PATJ: variants seen among roughly 807,000 people sequenced by gnomAD.
PATJ encodes the protein inaD-like protein.
In PATJ, 190 loss-of-function variants were observed where a neutral mutation model predicts 224.9. The ratio of observed to expected loss-of-function variants is 0.84; its 90% CI spans 0.75 to 0.95. PATJ has a LOEUF of 0.95. Among genes scored for constraint, PATJ ranks in the 40% least tolerant of loss-of-function variants. PATJ has a pLI of 0.00. For synonymous variants in PATJ, 769 were observed against 820.3 expected (o/e 0.94, Z 1.07); for missense variants, 2,121 against 2,270.3 (o/e 0.93, Z 1.34).
chr1:61,938,078 T>G (rs2149331392), intron 27 of PATJ, among the ~76,000 whole-genome samples: 1 of 152,348 alleles, frequency 6.6e-6, no homozygotes, highest in African/African-American at 2.4e-5. Context: ...GAGAGAATAA[T>G]TCTTTGTTTT....
chr1:61,916,231 C>T (rs897270286), intron 26 of PATJ, among the ~76,000 whole-genome samples: 4 of 151,890 alleles, frequency 2.6e-5, no homozygotes, highest in African/African-American at 9.7e-5. Flanking sequence ...AAATATAAAC[C>T]TACCACCTAA....
intron 14 of PATJ, among the ~76,000 whole-genome samples, chr1:61,818,233 G>A (rs2148695415): frequency 6.6e-6 from 1 of 152,282 alleles, no homozygotes; most frequent in African/African-American, 2.4e-5. Flanking sequence ...GCACACAATG[G>A]CCATGCTTCC....
intron 27 of PATJ, among the ~76,000 whole-genome samples, chr1:61,944,836 G>A (rs1571423941): frequency 6.6e-6 from 1 of 152,280 alleles, no homozygotes; most frequent in South Asian, 2.1e-4. Context: ...GAAAGGTTGG[G>A]TTACCCACAA....
intron 4 of PATJ, among the ~76,000 whole-genome samples, chr1:61,767,312 T>A (rs1314262858): frequency 3.9e-5 from 6 of 152,078 alleles, no homozygotes; most frequent in Admixed American, 3.9e-4. Flanking sequence ...GGCAGGAGGA[T>A]TGCTTGAAGC....
chr1:61,813,877 A>G (rs1212133737), intron 14 of PATJ, among the ~76,000 whole-genome samples: 1 of 152,190 alleles, frequency 6.6e-6, no homozygotes, highest in African/African-American at 2.4e-5. Flanking sequence ...AAAGAGAAAT[A>G]GTATTTCGTA....
At chr1:61,842,998 A>C (rs1203431353) in intron 17 of PATJ, among the ~76,000 whole-genome samples, 2 of 152,144 alleles carry the variant, frequency 1.3e-5, no homozygotes, top group Non-Finnish European at 2.9e-5. Flanking sequence ...TCAAGGTGTG[A>C]TGATTTGTGC....
chr1:61,921,297 T>C (rs1039952751), intron 26 of PATJ, among the ~76,000 whole-genome samples: 1 of 152,190 alleles, frequency 6.6e-6, no homozygotes, highest in African/African-American at 2.4e-5. Context: ...CATTAGGTTG[T>C]TTACCAAATT....
intron 27 of PATJ, among the ~76,000 whole-genome samples, chr1:61,956,641 C>T (rs1410965519): frequency 6.6e-6 from 1 of 152,134 alleles, no homozygotes; most frequent in African/African-American, 2.4e-5. Context: ...ATTATACCTG[C>T]AGGGATAAAA....
chr1:61,945,476 CAAAG>C (rs1325429213), intron 27 of PATJ, among the ~76,000 whole-genome samples: 4 of 151,566 alleles, frequency 2.6e-5, no homozygotes, highest in African/African-American at 9.7e-5. Context: ...TCAGAAGAGA[CAAAG>C]AAGGCCATTA....
Position 61,771,519 on chromosome 1 carries a change from T to C in PATJ, c.613T>C (p.Leu205=). 1.2e-6 allele frequency: 2 copies of C among 1,613,234 alleles called. No individual in the cohort carries two copies. The highest frequency in any genetic ancestry group is 1.7e-6 in the Non-Finnish European group (2 of 1,179,652). The change falls in exon 6 of 44, where the codon TTA becomes CTA. Residue 205 remains leucine (L), a synonymous_variant. Coordinates refer to ENST00000642238, the MANE Select transcript of PATJ (RefSeq NM_001350145.3). ...QNISHQQAIA[L]LQQTTGSLRL... The stretch of plus-strand genomic sequence containing the variant: ...CATTTCCCATCAGCAAGCAATTGCA[T>C]TATTACAACAAACCACTGGATCTTT...
At chr1:61,820,465 C>T (rs1657033193) in intron 14 of PATJ, among the ~76,000 whole-genome samples, 1 of 152,166 alleles carries the variant, frequency 6.6e-6, no homozygotes. Flanking sequence ...GCCTCAGCCT[C>T]CCGAATAGCT....
chr1:61,761,380 G>A (rs1276689681), intron 1 of PATJ, among the ~76,000 whole-genome samples: 1 of 152,134 alleles, frequency 6.6e-6, no homozygotes, highest in African/African-American at 2.4e-5. Flanking sequence ...CCTTCCCAGT[G>A]TAGGGGAGGG....
intron 27 of PATJ, among the ~76,000 whole-genome samples, chr1:61,930,851 G>A (rs1486596841): frequency 6.6e-6 from 1 of 152,110 alleles, no homozygotes; most frequent in Non-Finnish European, 1.5e-5. Flanking sequence ...GGGATTATAG[G>A]AATGCGCCAC....
At chr1:61,803,205 A>G (rs1652892443) in intron 12 of PATJ, among the ~76,000 whole-genome samples, 1 of 152,172 alleles carries the variant, frequency 6.6e-6, no homozygotes, top group Non-Finnish European at 1.5e-5. Flanking sequence ...AGGGATAACA[A>G]TACTCCTCTA....
intron 36 of PATJ, 65 bp downstream of exon 36, chr1:62,116,744 C>G (rs1427149035): frequency 6.8e-7 from 1 of 1,465,026 alleles, no homozygotes; most frequent in East Asian, 2.3e-5. Context: ...CTGTTCCAGT[C>G]TAGCTTGATT....
intron 33 of PATJ, among the ~76,000 whole-genome samples, chr1:62,102,445 T>G (rs1662289793): frequency 6.6e-6 from 1 of 152,206 alleles, no homozygotes; most frequent in South Asian, 2.1e-4. Context: ...AATGTATCAC[T>G]TGTATCTATT....
intron 41 of PATJ, among the ~76,000 whole-genome samples, chr1:62,139,206 G>A (rs950991327): frequency 6.6e-6 from 1 of 151,916 alleles, no homozygotes; most frequent in Non-Finnish European, 1.5e-5. Context: ...TTTAAGACCA[G>A]CCTGGCCAAG....
At chr1:61,762,830 C>G (rs1646042470) in intron 1 of PATJ, 28 bp from the exon 2 acceptor site, 3 of 1,014,552 alleles carry the variant, frequency 3.0e-6, no homozygotes, top group South Asian at 1.6e-5. Flanking sequence ...TGAAATTCAT[C>G]TTTTATATTG....
At chr1:61,910,428 A>G (rs975353383) in intron 25 of PATJ, among the ~76,000 whole-genome samples, 3 of 151,562 alleles carry the variant, frequency 2.0e-5, no homozygotes, top group Non-Finnish European at 4.4e-5. Context: ...TTCATCAGGC[A>G]TTGAACCATC....
Sources: allele counts gnomAD v4.1 joint callset (sites outside exome capture counted in the v4.1 genomes callset), GRCh38; gene constraint gnomAD v4.1.1; transcripts MANE v1.5; gene names NCBI Gene and HGNC (gene_info 2026-07-23, HGNC 2026-07-21).